Variants in AHRR observed in about 807,000 individuals in gnomAD.
AHRR encodes aryl hydrocarbon receptor repressor.
A neutral mutation model predicts 44.0 loss-of-function variants in AHRR; 28 were observed. The ratio of observed to expected loss-of-function variants is 0.64; its 90% CI spans 0.47 to 0.87. AHRR has a LOEUF of 0.87. Among genes scored for constraint, AHRR ranks in the 40% least tolerant of loss-of-function variants. The pLI is 0.00. For synonymous variants in AHRR, 434 were observed against 407.0 expected (o/e 1.07, Z -0.80); for missense variants, 990 against 953.9 (o/e 1.04, Z -0.50).
At chr5:351,819 A>G (rs1431609366) in intron 2 of AHRR, among the ~76,000 whole-genome samples, 1 of 152,240 alleles carries the variant, frequency 6.6e-6, no homozygotes, top group Non-Finnish European at 1.5e-5. Context: ...GTTGTTAGAC[A>G]GTGAGAAATG....
chr5:421,613 G>A (rs996443084), intron 5 of AHRR, among the ~76,000 whole-genome samples: 2 of 152,208 alleles, frequency 1.3e-5, no homozygotes, highest in Non-Finnish European at 2.9e-5. Flanking sequence ...CCGCGGGGAT[G>A]CTGGCGCCGC....
chr5:409,619 A>C (rs1735392582), intron 4 of AHRR, among the ~76,000 whole-genome samples: 1 of 151,712 alleles, frequency 6.6e-6, no homozygotes, highest in Non-Finnish European at 1.5e-5. Context: ...CTTTTGGTAA[A>C]GTATCTGTGC....
chr5:372,760 C>T (rs1249518371), intron 3 of AHRR, among the ~76,000 whole-genome samples: 1 of 152,216 alleles, frequency 6.6e-6, no homozygotes, highest in African/African-American at 2.4e-5. Context: ...CACGGCATCA[C>T]CCAGACGCAC....
At chr5:344,218 G>A (rs917112325) in intron 2 of AHRR, among the ~76,000 whole-genome samples, 1 of 150,772 alleles carries the variant, frequency 6.6e-6, no homozygotes, top group African/African-American at 2.4e-5. Context: ...GGCGGGCACC[G>A]TGAGGCGCTG....
In AHRR at chr5:411,424, A is replaced by AGTT. The variant is rs1180073158; in HGVS notation, c.352-1920_352-1919insGTT. Among the ~76,000 whole-genome samples the AGTT allele has an allele frequency of 6.6e-6, 1 of 152,082 alleles. No homozygotes were observed. The highest frequency in any genetic ancestry group is 2.4e-5 in the African/African-American group (1 of 41,408). On this transcript the variant is annotated intron_variant, in intron 4 of 10. Coordinates refer to ENST00000684583, the MANE Select transcript of AHRR (RefSeq NM_001377236.1). This position sits in a 1 kb window ranked among gnomAD's most constrained non-coding sequence, Gnocchi z 4.2. ...TGTTGTGGGGGATTTGGATTTAGGTAACTGCCATTATCCTTGGCTGCCTAG... is the reference window on the plus strand; with the variant it reads ...TGTTGTGGGGGATTTGGATTTAGGTAGTTACTGCCATTATCCTTGGCTGCCTAG...
intron 5 of AHRR, among the ~76,000 whole-genome samples, chr5:418,223 A>G (rs1352041044): frequency 6.6e-6 from 1 of 152,204 alleles, no homozygotes; most frequent in Non-Finnish European, 1.5e-5. Flanking sequence ...TAGTTGACGA[A>G]AGGAGGGTTT....
At chr5:344,821 G>T (rs1190623275) in intron 2 of AHRR, among the ~76,000 whole-genome samples, 2 of 139,998 alleles carry the variant, frequency 1.4e-5, no homozygotes, top group Non-Finnish European at 3.0e-5. Context: ...GCGGGTGTGT[G>T]TGGGGGACTG....
intron 8 of AHRR, among the ~76,000 whole-genome samples, chr5:430,563 G>T (rs1357490128): frequency 6.6e-6 from 1 of 152,270 alleles, no homozygotes; most frequent in Non-Finnish European, 1.5e-5. Context: ...CACCTTGCCG[G>T]CACTCACGGT....
chr5:425,203 C>T (rs182035298), intron 7 of AHRR, among the ~76,000 whole-genome samples: 124 of 152,374 alleles, frequency 8.1e-4, no homozygotes, highest in African/African-American at 2.7e-3. Context: ...TGTGTCTTTC[C>T]CACCCACTGG....
chr5:343,666 C>T, intron 1 of AHRR: 1 of 508,052 alleles, frequency 2.0e-6, no homozygotes, highest in Non-Finnish European at 3.4e-6. Flanking sequence ...CCGCCTGACA[C>T]CGAGGGGAGG....
chr5:396,452 A>C (rs1184640615), intron 4 of AHRR, among the ~76,000 whole-genome samples: 2 of 152,040 alleles, frequency 1.3e-5, no homozygotes, highest in African/African-American at 2.4e-5. Context: ...CACCGTGGAG[A>C]GAGCTCCATG....
chr5:421,318 C>A (rs1214332660), intron 5 of AHRR: 2 of 696,212 alleles, frequency 2.9e-6, no homozygotes, highest in Non-Finnish European at 5.2e-6. Context: ...CCCACGGTCG[C>A]GATGCGGGGC....
intron 3 of AHRR, among the ~76,000 whole-genome samples, chr5:362,054 AT>A (rs1346616004): frequency 6.6e-6 from 1 of 152,186 alleles, no homozygotes; most frequent in Non-Finnish European, 1.5e-5. Context: ...GTTTGGCTGT[AT>A]TTGGAGAAGG....
At chr5:414,429 A>G (rs919465959) in intron 5 of AHRR, among the ~76,000 whole-genome samples, 1 of 152,162 alleles carries the variant, frequency 6.6e-6, no homozygotes, top group Non-Finnish European at 1.5e-5. Flanking sequence ...GGATCTGGAA[A>G]TCAGGCGTAC....
chr5:405,435 C>T lies in AHRR; in HGVS notation c.352-7909C>T, dbSNP rs1735214899. 6.6e-6 allele frequency among the ~76,000 whole-genome samples: 1 copy of T among 152,202 alleles called. No individual in the cohort carries two copies. The highest frequency in any genetic ancestry group is 2.1e-4 in the South Asian group (1 of 4,830). On this transcript the variant is annotated intron_variant, in intron 4 of 10. Coordinates refer to ENST00000684583, the MANE Select transcript of AHRR (RefSeq NM_001377236.1). This position sits in a 1 kb window ranked among gnomAD's most constrained non-coding sequence, Gnocchi z 4.5. ...ATTGGCCTATTTTGTCACCGTGGAG[C>T]AGCCTATGGTGTTGCCCGCTGTTTT... is the stretch of plus-strand genomic sequence containing the variant.
intron 4 of AHRR, among the ~76,000 whole-genome samples, chr5:386,158 G>A (rs967463743): frequency 6.6e-6 from 1 of 151,940 alleles, no homozygotes; most frequent in Admixed American, 6.6e-5. Flanking sequence ...TATATTGGCT[G>A]TTTAAGATCC....
In AHRR at chr5:384,874, G is replaced by A. The variant is rs1349770537; in HGVS notation, c.351+8158G>A. 2.6e-5 allele frequency among the ~76,000 whole-genome samples: 4 copies of A among 152,120 alleles called. 1 individual carries two copies. In the South Asian group the frequency reaches 8.3e-4, roughly 32 times the overall value. On this transcript the variant is annotated intron_variant, in intron 4 of 10. Coordinates refer to ENST00000684583, the MANE Select transcript of AHRR (RefSeq NM_001377236.1). ...TAAGAACTCTCTTTAGGCCGGGCGC[G>A]GTGGCTCATGCCTGTTATCCCAGCA...
intron 3 of AHRR, among the ~76,000 whole-genome samples, chr5:373,897 G>A (rs1221231225): frequency 6.6e-6 from 1 of 150,888 alleles, no homozygotes; most frequent in Non-Finnish European, 1.5e-5. Flanking sequence ...TGGCCCCATC[G>A]CGTGACGGCG....
intron 6 of AHRR, 106 bp downstream of exon 6, chr5:422,964 T>G (rs1213050421): frequency 7.1e-7 from 1 of 1,414,738 alleles, no homozygotes; most frequent in African/African-American, 1.4e-5. Context: ...GTGCTTTGCC[T>G]TACACATTGA....
Sources: gnomAD v4.1 joint callset for allele counts (sites outside exome capture counted in the v4.1 genomes callset) on GRCh38, gnomAD v4.1.1 for gene constraint, Gnocchi (gnomAD v3.1) non-coding constraint, MANE v1.5 for transcripts, NCBI Gene and HGNC (gene_info 2026-07-23, HGNC 2026-07-21) for gene names.